The following HS6ST3 variants were observed in gnomAD, a reference collection of about 807,000 sequenced individuals.
HS6ST3 encodes the protein heparan-sulfate 6-O-sulfotransferase 3.
In HS6ST3, 12 loss-of-function variants were observed where a neutral mutation model predicts 36.7. The ratio of observed to expected loss-of-function variants is 0.33; its 90% CI spans 0.21 to 0.53. The LOEUF (loss-of-function observed/expected upper bound fraction) is 0.53. Ranked by LOEUF, HS6ST3 falls within the 20% of genes least tolerant of loss-of-function variation. The pLI, the probability that HS6ST3 is intolerant of heterozygous loss-of-function variation, is 0.95. For synonymous variants in HS6ST3, 240 were observed against 257.5 expected (o/e 0.93, Z 0.65); for missense variants, 584 against 640.9 (o/e 0.91, Z 0.96).
At chr13:96,392,033 A>T (rs1799644051) in intron 1 of HS6ST3, among the ~76,000 whole-genome samples, 1 of 152,200 alleles carries the variant, frequency 6.6e-6, no homozygotes, top group African/African-American at 2.4e-5. Context: ...GTATTCCTTG[A>T]GTGAATAAGG....
At chr13:96,385,878 T>C (rs565601165) in intron 1 of HS6ST3, among the ~76,000 whole-genome samples, 2 of 152,326 alleles carry the variant, frequency 1.3e-5, no homozygotes, top group African/African-American at 2.4e-5. Context: ...GAGTAACTTG[T>C]CCCAGTCATT....
chr13:96,579,001 C>T (rs575704612), intron 1 of HS6ST3, among the ~76,000 whole-genome samples: 6 of 152,158 alleles, frequency 3.9e-5, no homozygotes, highest in Admixed American at 6.5e-5. Flanking sequence ...TGTCTTTGAT[C>T]GCTAGAGTTT....
intron 1 of HS6ST3, among the ~76,000 whole-genome samples, chr13:96,400,202 C>T (rs1421744341): frequency 2.0e-5 from 3 of 146,826 alleles, no homozygotes; most frequent in Non-Finnish European, 3.0e-5. Flanking sequence ...TATATGCAGA[C>T]ACACATATAC....
intron 1 of HS6ST3, among the ~76,000 whole-genome samples, chr13:96,112,173 T>G (rs1028267682): frequency 1.3e-5 from 2 of 152,266 alleles, no homozygotes; most frequent in Admixed American, 1.3e-4. Context: ...ATAGTAGTCC[T>G]TACAGAATGG....
chr13:96,134,697 G>A (rs1380815616), intron 1 of HS6ST3, among the ~76,000 whole-genome samples: 2 of 152,048 alleles, frequency 1.3e-5, no homozygotes, highest in African/African-American at 4.8e-5. Context: ...GGACATTCTT[G>A]CCTCTGTAGT....
At chr13:96,563,696 A>G (rs1042935333) in intron 1 of HS6ST3, among the ~76,000 whole-genome samples, 2 of 152,188 alleles carry the variant, frequency 1.3e-5, no homozygotes, top group Non-Finnish European at 2.9e-5. Flanking sequence ...ATGTCACTCT[A>G]TAAGGTTAAG....
chr13:96,304,951 C>G (rs889489236), intron 1 of HS6ST3, among the ~76,000 whole-genome samples: 4 of 151,812 alleles, frequency 2.6e-5, no homozygotes, highest in African/African-American at 7.3e-5. Flanking sequence ...TTGTGATCCA[C>G]CTGCCTCGGC....
At chr13:96,276,514 G>A (rs562779411) in intron 1 of HS6ST3, among the ~76,000 whole-genome samples, 6 of 152,206 alleles carry the variant, frequency 3.9e-5, no homozygotes, top group South Asian at 2.1e-4. Context: ...TCTTTATTTT[G>A]GAAAGAGGAC....
chr13:96,786,444 T>A (rs1877652005), intron 1 of HS6ST3, among the ~76,000 whole-genome samples: 1 of 152,180 alleles, frequency 6.6e-6, no homozygotes, highest in African/African-American at 2.4e-5. Flanking sequence ...GCTTTATTTA[T>A]CTTTCCCCAG....
chr13:96,506,158 T>G (rs10161817), intron 1 of HS6ST3, among the ~76,000 whole-genome samples: 1,614 of 152,218 alleles, frequency 0.011, 26 homozygotes, highest in African/African-American at 0.037. Context: ...CTTTTAGATT[T>G]AGAATTTGAA....
rs150998849 is a variant in HS6ST3, at chr13:96,150,006, G to A, written c.707+58437G>A. Among the ~76,000 whole-genome samples the A allele has an allele frequency of 5.2e-3, 793 of 152,252 alleles. 11 individuals carry two copies. Among genetic ancestry groups the A allele is most frequent in the African/African-American group, 0.018 (756 of 41,560 alleles). Reference sequence around the variant, plus strand: ...CGGGACGGAGGGTTACAGCTCTTTTGTTTCTGCCACCTGCAGCTTGGCAAA... The same window carrying A: ...CGGGACGGAGGGTTACAGCTCTTTTATTTCTGCCACCTGCAGCTTGGCAAA... On this transcript the variant is annotated intron_variant, in intron 1 of 1. Coordinates refer to ENST00000376705, the MANE Select transcript of HS6ST3 (RefSeq NM_153456.4).
intron 1 of HS6ST3, among the ~76,000 whole-genome samples, chr13:96,409,507 A>G (rs1046726530): frequency 1.3e-5 from 2 of 152,202 alleles, no homozygotes; most frequent in South Asian, 2.1e-4. Context: ...AATGAAGCCT[A>G]TGTTGGAAGT....
At chr13:96,418,080 T>C (rs2055543674) in intron 1 of HS6ST3, among the ~76,000 whole-genome samples, 1 of 152,192 alleles carries the variant, frequency 6.6e-6, no homozygotes, top group Non-Finnish European at 1.5e-5. Context: ...CTCAGCCTTC[T>C]TGTGCTTAGG....
intron 1 of HS6ST3, among the ~76,000 whole-genome samples, chr13:96,588,504 C>G (rs564232870): frequency 1.3e-4 from 20 of 152,216 alleles, no homozygotes; most frequent in African/African-American, 4.3e-4. Flanking sequence ...GGTTTTTGCC[C>G]TACATTCTGT....
At chr13:96,213,586 G>A (rs1372827560) in intron 1 of HS6ST3, among the ~76,000 whole-genome samples, 1 of 151,622 alleles carries the variant, frequency 6.6e-6, no homozygotes, top group Non-Finnish European at 1.5e-5. Context: ...GAGTGCAGTG[G>A]CACGGTCTCA....
chr13:96,231,756 T>G (rs2054509440), intron 1 of HS6ST3, among the ~76,000 whole-genome samples: 1 of 152,188 alleles, frequency 6.6e-6, no homozygotes, highest in Admixed American at 6.5e-5. Context: ...TGGAACTGGC[T>G]TGTATATACT....
At chr13:96,628,619 G>A (rs2056521187) in intron 1 of HS6ST3, among the ~76,000 whole-genome samples, 2 of 151,962 alleles carry the variant, frequency 1.3e-5, no homozygotes, top group South Asian at 2.1e-4. Flanking sequence ...TTCTCCCCGT[G>A]TACCTATAAT....
At chr13:96,681,872 T>G (rs1011608601) in intron 1 of HS6ST3, among the ~76,000 whole-genome samples, 5 of 152,150 alleles carry the variant, frequency 3.3e-5, no homozygotes, top group Non-Finnish European at 7.4e-5. Flanking sequence ...TGTCCTTTCT[T>G]TTTCACACCA....
intron 1 of HS6ST3, among the ~76,000 whole-genome samples, chr13:96,729,176 G>A (rs750012167): frequency 1.3e-5 from 2 of 152,156 alleles, no homozygotes; most frequent in Non-Finnish European, 2.9e-5. Context: ...GGGTGGGAGT[G>A]TGGGGAAGGG....
Sources: gnomAD v4.1 joint callset for allele counts (sites outside exome capture counted in the v4.1 genomes callset) on GRCh38, gnomAD v4.1.1 for gene constraint, MANE v1.5 for transcripts, NCBI Gene and HGNC (gene_info 2026-07-23, HGNC 2026-07-21) for gene names.